The following HELQ variants were observed in gnomAD, a reference collection of about 807,000 sequenced individuals.
HELQ encodes helicase, POLQ like, also known as helicase POLQ-like.
A neutral mutation model predicts 111.6 loss-of-function variants in HELQ; 77 were observed. The observed-to-expected ratio is 0.69, with a 90% CI of 0.57 to 0.83. The LOEUF (loss-of-function observed/expected upper bound fraction) is 0.83, where lower values mean the gene tolerates loss of function less well. HELQ is among the 40% of genes least tolerant of loss of function. The pLI, the probability that HELQ is intolerant of heterozygous loss-of-function variation, is 0.00. For missense variants in HELQ, 1,200 were observed against 1,288.5 expected (o/e 0.93, Z 1.05); for synonymous variants, 438 against 454.7 (o/e 0.96, Z 0.47).
At chr4:83,409,318 A>G (rs1738962424) in intron 17 of HELQ, among the ~76,000 whole-genome samples, 1 of 152,182 alleles carries the variant, frequency 6.6e-6, no homozygotes, top group South Asian at 2.1e-4. Context: ...TGAGAGGCCA[A>G]GGTGGGCAGA....
chr4:83,434,471 AT>A (rs571676882), intron 9 of HELQ, among the ~76,000 whole-genome samples: 37 of 148,290 alleles, frequency 2.5e-4, no homozygotes, highest in Admixed American at 3.4e-4. Context: ...TTAAAAACTC[AT>A]TTTTTTTTTT....
chr4:83,431,958 G>C (rs1720175969), intron 10 of HELQ, among the ~76,000 whole-genome samples, 168 bp downstream of exon 10: 1 of 151,970 alleles, frequency 6.6e-6, no homozygotes, highest in South Asian at 2.1e-4. Context: ...TTTTTTCATT[G>C]TCTGAAATAC....
chr4:83,424,275 T>G (rs961927662), intron 14 of HELQ, among the ~76,000 whole-genome samples: 2 of 152,216 alleles, frequency 1.3e-5, no homozygotes, highest in African/African-American at 2.4e-5. Context: ...AATGATATTG[T>G]TTTTATTTTA....
chr4:83,431,742 C>T lies in HELQ; in HGVS notation c.2217G>A (p.Leu739=), dbSNP rs1343110802. The change falls in exon 11 of 18, where the codon TTG becomes TTA. Residue 739 remains leucine, a synonymous_variant. Coordinates refer to ENST00000295488, the MANE Select transcript of HELQ (RefSeq NM_133636.5). ...QQVLELITKP[L]ENCYSHLVQE... is the part of the protein sequence containing the mutation. The stretch of plus-strand genomic sequence containing the variant: ...GAACAAGATGGCTGTAACAGTTTTC[C>T]AATGGTTTAGTTATTAACTCCAATA... 6.5e-7 allele frequency: 1 copy of T among 1,529,704 alleles called. No homozygotes were observed. The highest frequency in any genetic ancestry group is 1.3e-5 in the South Asian group (1 of 78,466). 94.8% of individuals were successfully genotyped at this position (1,529,704 alleles called of 1,614,324 possible).
rs1365951523 is a variant in HELQ at position 83,453,952 on chromosome 4, A to AC, written c.298-8_298-7insG. On this transcript the variant is annotated splice_region_variant and splice_polypyrimidine_tract_variant and intron_variant, in intron 1 of 17. Transcript: ENST00000295488. Reference sequence around the variant, plus strand: ...CCACTTCACTGTCATTAGGCTGCAAAGAGAACAAAAACGCTTATGGTCAAT... The same window carrying AC: ...CCACTTCACTGTCATTAGGCTGCAAACGAGAACAAAAACGCTTATGGTCAAT... The AC allele has an allele frequency of 6.5e-7, 1 of 1,542,510 alleles. No individual in the cohort carries two copies. The highest frequency in any genetic ancestry group is 2.2e-5 in the East Asian group (1 of 44,488).
intron 15 of HELQ, among the ~76,000 whole-genome samples, chr4:83,420,551 C>G (rs1578071184): frequency 6.6e-6 from 1 of 152,112 alleles, no homozygotes; most frequent in Non-Finnish European, 1.5e-5. Context: ...TTGCGAAGCC[C>G]AGGCAGGTGG....
At chr4:83,449,016 A>G in intron 2 of HELQ, 55 bp from the exon 3 acceptor site, 1 of 1,314,538 alleles carries the variant, frequency 7.6e-7, no homozygotes, top group Non-Finnish European at 1.0e-6. Context: ...TTTGAAACTC[A>G]AAAGTTTTCT....
chr4:83,453,082 T>C (rs1337925050), intron 2 of HELQ, 149 bp downstream of exon 2: 5 of 590,074 alleles, frequency 8.5e-6, no homozygotes, highest in African/African-American at 1.9e-5. Flanking sequence ...GCAGGACAGG[T>C]AGGAATGGAA....
chr4:83,449,230 T>C (rs17006826), intron 2 of HELQ, among the ~76,000 whole-genome samples: 44,268 of 152,076 alleles, frequency 0.29, 8,130 homozygotes, highest in South Asian at 0.4. Context: ...GCAGGGCAGG[T>C]AGCAGCCTCG....
At chr4:83,420,978 T>C (rs1449048819) in intron 15 of HELQ, among the ~76,000 whole-genome samples, 1 of 151,978 alleles carries the variant, frequency 6.6e-6, no homozygotes, top group African/African-American at 2.4e-5. Context: ...GGCTAATTTT[T>C]CTTATTTTTT....
intron 17 of HELQ, among the ~76,000 whole-genome samples, chr4:83,409,503 A>G (rs1738974267): frequency 6.6e-6 from 1 of 151,940 alleles, no homozygotes; most frequent in South Asian, 2.1e-4. Context: ...GCAGTGAGCC[A>G]AGATTGCACC....
chr4:83,455,756 G>T lies in HELQ; in HGVS notation c.-63C>A. On this transcript the variant is annotated 5_prime_UTR_variant, in exon 1 of 18. Coordinates refer to ENST00000295488, the MANE Select transcript of HELQ (RefSeq NM_133636.5). ...GTGACCCAGACGCTAAGCCCATATG[G>T]AAGGGAGAGTGGGACGCCGGAGCCC... is the stretch of plus-strand genomic sequence containing the variant. 2 of 1,495,130 alleles carry T rather than the reference G, an allele frequency of 1.3e-6. No individual in the cohort carries two copies. Among genetic ancestry groups the T allele is most frequent in the African/African-American group, 1.4e-5 (1 of 72,520 alleles). 92.6% of individuals were successfully genotyped at this position (1,495,130 alleles called of 1,614,324 possible).
intron 8 of HELQ, among the ~76,000 whole-genome samples, chr4:83,437,431 A>C (rs1159036830): frequency 1.3e-5 from 2 of 151,974 alleles, no homozygotes; most frequent in African/African-American, 4.8e-5. Flanking sequence ...TGGGCAGTGA[A>C]GCAAGACCAC....
At chr4:83,451,672 AC>A (rs59900511) in intron 2 of HELQ, among the ~76,000 whole-genome samples, 13,543 of 149,292 alleles carry the variant, frequency 0.091, 1,995 homozygotes, top group African/African-American at 0.33. Flanking sequence ...TCAAAAAAAA[AC>A]AAAAAAACAA....
At chr4:83,424,683 G>A (rs889802652) in intron 14 of HELQ, among the ~76,000 whole-genome samples, 1 of 152,066 alleles carries the variant, frequency 6.6e-6, no homozygotes, top group Non-Finnish European at 1.5e-5. Flanking sequence ...TCAGCCTCCT[G>A]AGTAGCTGGG....
At chr4:83,425,703 C>T (rs1347425913) in intron 14 of HELQ, among the ~76,000 whole-genome samples, 1 of 152,096 alleles carries the variant, frequency 6.6e-6, no homozygotes, top group Non-Finnish European at 1.5e-5. Context: ...AAATGTATTT[C>T]CTCGTTTGAA....
In HELQ at chr4:83,407,622, T is replaced by C. The variant is rs1392668854; in HGVS notation, c.3199-62A>G. 4.0e-6 allele frequency: 4 copies of C among 992,292 alleles called. No individual in the cohort carries two copies. In the Admixed American group the frequency reaches 7.5e-5, roughly 19 times the overall value. The allele number at this position is 992,292 out of a possible 1,614,324, so 61.5% of individuals were successfully genotyped here. ...CATTGCTAGAGAATTGCCAACAATT[T>C]TACCACTGTCCATTGAACACCTGAA... On this transcript the variant is annotated intron_variant, in intron 17 of 17. Coordinates refer to ENST00000295488, the MANE Select transcript of HELQ (RefSeq NM_133636.5).
chr4:83,437,048 A>G lies in HELQ; in HGVS notation c.1858T>C (p.Leu620=). 1 of 1,613,822 alleles carries G rather than the reference A, an allele frequency of 6.2e-7. No individual in the cohort carries two copies. The highest frequency in any genetic ancestry group is 8.5e-7 in the Non-Finnish European group (1 of 1,179,826). The change falls in exon 9 of 18, where the codon TTG becomes CTG. Residue 620 remains leucine, a synonymous_variant. Transcript: ENST00000295488. ...AGGTTGCCATTGCCAATATTCTTCA[A>G]GTTCTTAATCACCTCACATTTTTCT... The part of the protein sequence containing the change: ...EKEKCEVIKN[L]KNIGNGNLCP...
At chr4:83,420,216 C>T (rs1282943859) in intron 15 of HELQ, among the ~76,000 whole-genome samples, 1 of 152,226 alleles carries the variant, frequency 6.6e-6, no homozygotes, top group African/African-American at 2.4e-5. Context: ...TTAAATCCAT[C>T]ACAAATGCAT....
Sources: allele counts gnomAD v4.1 joint callset (sites outside exome capture counted in the v4.1 genomes callset), GRCh38; gene constraint gnomAD v4.1.1; transcripts MANE v1.5; gene names NCBI Gene and HGNC (gene_info 2026-07-23, HGNC 2026-07-21).